SLC18B1: variants seen among roughly 807,000 people sequenced by gnomAD.
The protein encoded by SLC18B1 is MFS-type transporter SLC18B1.
Under a neutral mutation model 53.9 loss-of-function variants are expected in SLC18B1, and 62 were observed. That is an observed-to-expected ratio of 1.15 (90% confidence interval 0.94 to 1.42). SLC18B1 has a LOEUF of 1.42. Ranked by LOEUF, SLC18B1 falls within the 40% of genes most tolerant of loss-of-function variation. The probability of loss-of-function intolerance (pLI) is 0.00; values close to 1 mark genes in which losing one functional copy is unlikely to be tolerated. For synonymous variants in SLC18B1, 217 were observed against 200.9 expected, an observed-to-expected ratio of 1.08 and a Z score of -0.68; for missense variants, 598 against 547.3, an observed-to-expected ratio of 1.09 and a Z score of -0.93.
intron 2 of SLC18B1, among the ~76,000 whole-genome samples, 178 bp downstream of exon 2, chr6:132,796,804 T>A (rs1351737583): frequency 1.3e-5 from 2 of 152,140 alleles, no homozygotes; most frequent in Non-Finnish European, 2.9e-5. Flanking sequence ...TGACTGGATT[T>A]TTTTTCCTGG....
At chr6:132,797,460 G>C (rs953051814) in intron 1 of SLC18B1, among the ~76,000 whole-genome samples, 3 of 152,106 alleles carry the variant, frequency 2.0e-5, no homozygotes, top group Non-Finnish European at 4.4e-5. Context: ...TTAGCCGGGC[G>C]TGGTGGCGGG....
At chr6:132,783,628 C>T (rs9402455) in intron 6 of SLC18B1, among the ~76,000 whole-genome samples, 7,751 of 152,270 alleles carry the variant, frequency 0.051, 265 homozygotes, top group Middle Eastern at 0.068. Flanking sequence ...AAGACTGGGC[C>T]ATATGTGGCC....
chr6:132,773,123 A>T (rs775700472), intron 9 of SLC18B1, 35 bp from the exon 10 acceptor site: 1 of 1,471,674 alleles, frequency 6.8e-7, no homozygotes, highest in South Asian at 1.1e-5. Context: ...AAATACAAAA[A>T]GAAAAACATT....
chr6:132,770,446 T>C, intron 13 of SLC18B1, 110 bp from the exon 14 acceptor site: 3 of 960,638 alleles, frequency 3.1e-6, no homozygotes, highest in South Asian at 1.5e-5. Context: ...TTTAAAAAAG[T>C]TTCTACTGCC....
rs370218127 is a variant in SLC18B1 at position 132,770,310 on chromosome 6, G to A, written c.1331C>T (p.Thr444Ile). The stretch of plus-strand genomic sequence containing the variant: ...CAAGAGAGTAGTTCGTTCCTCCTCT[G>A]TGCTGAGGATGTTTTGAGATTTAGA... ...KRSKSQNILS[T>I]EEERTTLLPN... The change falls in exon 14 of 14, where the codon ACA becomes ATA. Residue 444 changes from threonine to isoleucine, a missense_variant. Transcript: ENST00000275227. 2.4e-5 allele frequency: 38 copies of A among 1,613,618 alleles called. No homozygotes were observed. Among genetic ancestry groups the A allele is most frequent in the Non-Finnish European group, 3.1e-5 (37 of 1,179,626 alleles).
Position 132,787,557 on chromosome 6 carries a change from C to T in SLC18B1, c.378G>A (p.Gly126=), listed in dbSNP as rs747238729. 1.2e-6 allele frequency: 2 copies of T among 1,603,290 alleles called. No individual in the cohort carries two copies. The highest frequency in any genetic ancestry group is 2.3e-5 in the South Asian group (2 of 88,842). ...GAAAACACATAGCAATAAATACTGGCCCATCTGGAACTCGGTCCAATACAC... is the reference window on the plus strand; with the variant it reads ...GAAAACACATAGCAATAAATACTGGTCCATCTGGAACTCGGTCCAATACAC... ...LFGVLDRVPD[G]PVFIAMCFLV... The change falls in exon 5 of 14, where the codon GGG becomes GGA. Residue 126 remains glycine, a synonymous_variant. Coordinates refer to ENST00000275227, the MANE Select transcript of SLC18B1 (RefSeq NM_052831.3).
intron 5 of SLC18B1, among the ~76,000 whole-genome samples, chr6:132,784,420 A>G (rs1234917032): frequency 3.3e-5 from 5 of 152,202 alleles, no homozygotes; most frequent in Admixed American, 3.3e-4. Context: ...AAAAAATGAC[A>G]AAGAACTAAT....
chr6:132,785,544 A>G (rs1402803048), intron 5 of SLC18B1, among the ~76,000 whole-genome samples: 1 of 152,238 alleles, frequency 6.6e-6, no homozygotes, highest in Non-Finnish European at 1.5e-5. Flanking sequence ...AAGAACATTG[A>G]AATTCTTTAA....
chr6:132,778,000 T>G (rs987055967), intron 7 of SLC18B1, among the ~76,000 whole-genome samples: 1 of 151,978 alleles, frequency 6.6e-6, no homozygotes, highest in Non-Finnish European at 1.5e-5. Flanking sequence ...GAAAAAGGAG[T>G]CAGCAAAGTG....
intron 5 of SLC18B1, among the ~76,000 whole-genome samples, chr6:132,784,370 C>G (rs1371624431): frequency 6.6e-6 from 1 of 151,510 alleles, no homozygotes; most frequent in Non-Finnish European, 1.5e-5. Flanking sequence ...AATACGAAAA[C>G]TATGCATAAA....
At position 132,770,264 on chromosome 6, in the gene SLC18B1, A is replaced by G. The variant is rs751556866; in HGVS notation, c.*6T>C. The G allele has an allele frequency of 6.2e-7, 1 of 1,610,420 alleles. No individual in the cohort carries two copies. The highest frequency in any genetic ancestry group is 8.5e-7 in the Non-Finnish European group (1 of 1,176,638). On this transcript the variant is annotated 3_prime_UTR_variant, in exon 14 of 14. Transcript: ENST00000275227. ...TCAACCTTGTATCAATCCAGGATCCATCGGACTAGGTTTCATTAGGCAAGA... is the reference window on the plus strand; with the variant it reads ...TCAACCTTGTATCAATCCAGGATCCGTCGGACTAGGTTTCATTAGGCAAGA...
At chr6:132,792,337 A>G (rs1781566107) in intron 2 of SLC18B1, among the ~76,000 whole-genome samples, 1 of 110,508 alleles carries the variant, frequency 9.0e-6, no homozygotes. Context: ...GGAAGGAAGG[A>G]AGGAAGGAAG....
At chr6:132,780,555 C>T (rs988498210) in intron 6 of SLC18B1, among the ~76,000 whole-genome samples, 9 of 147,552 alleles carry the variant, frequency 6.1e-5, no homozygotes, top group Non-Finnish European at 1.3e-4. Flanking sequence ...AAAGTTAAAC[C>T]GTGGTGTTAG....
chr6:132,770,904 A>G lies in SLC18B1; in HGVS notation c.1290T>C (p.Tyr430=). 6.2e-7 allele frequency: 1 copy of G among 1,610,956 alleles called. No individual in the cohort carries two copies. The highest frequency in any genetic ancestry group is 8.5e-7 in the Non-Finnish European group (1 of 1,179,186). Residue 430 remains tyrosine, a synonymous_variant, in exon 13 of 14, where the codon TAT becomes TAC. Coordinates refer to ENST00000275227, the MANE Select transcript of SLC18B1 (RefSeq NM_052831.3). ...ATTGACCATACCTTTTTCTCCTTGA[A>G]TACTCCAGTAGATAAAACAAGCCCA... ...LAMGLFYLLE[Y]SRRKRSKSQN...
chr6:132,790,361 T>C, intron 2 of SLC18B1, 89 bp from the exon 3 acceptor site: 3 of 876,824 alleles, frequency 3.4e-6, no homozygotes, highest in Middle Eastern at 3.5e-4. Context: ...CATCATCTTC[T>C]TGTGAACTTT....
intron 7 of SLC18B1, 111 bp downstream of exon 7, chr6:132,779,157 C>T: frequency 1.5e-6 from 2 of 1,309,870 alleles, no homozygotes; most frequent in Non-Finnish European, 2.1e-6. Context: ...AGTGCCCATT[C>T]TACCTTCTTC....
chr6:132,776,302 C>T (rs781320037), intron 8 of SLC18B1, 26 bp downstream of exon 8: 1 of 1,566,172 alleles, frequency 6.4e-7, no homozygotes, highest in Non-Finnish European at 8.8e-7. Context: ...ACAAAAGTGA[C>T]TCAAATATAA....
At chr6:132,776,174 C>A (rs1422403524) in intron 8 of SLC18B1, among the ~76,000 whole-genome samples, 154 bp downstream of exon 8, 1 of 152,114 alleles carries the variant, frequency 6.6e-6, no homozygotes, top group Non-Finnish European at 1.5e-5. Flanking sequence ...TGATAGCTGA[C>A]CCTTAGGGTG....
intron 11 of SLC18B1, among the ~76,000 whole-genome samples, chr6:132,771,389 A>T (rs1780971057): frequency 6.6e-6 from 1 of 152,244 alleles, no homozygotes; most frequent in Non-Finnish European, 1.5e-5. Flanking sequence ...AATATGAAAC[A>T]GATTTAAAAA....
Sources: allele counts gnomAD v4.1 joint callset (sites outside exome capture counted in the v4.1 genomes callset), GRCh38; gene constraint gnomAD v4.1.1; transcripts MANE v1.5; gene names NCBI Gene and HGNC (gene_info 2026-07-23, HGNC 2026-07-21).